ADAMTS17: variants seen among roughly 807,000 people sequenced by gnomAD.
ADAMTS17 encodes A disintegrin and metalloproteinase with thrombospondin motifs 17.
A neutral mutation model predicts 141.5 loss-of-function variants in ADAMTS17; 113 were observed. That is an observed-to-expected ratio of 0.80 (90% CI 0.69 to 0.93). The LOEUF is 0.93. ADAMTS17 is among the 40% of genes least tolerant of loss of function. The pLI is 0.00. For synonymous variants in ADAMTS17, 768 were observed against 630.6 expected, an observed-to-expected ratio of 1.22 and a Z score of -3.27; for missense variants, 1,659 against 1,517.9, an observed-to-expected ratio of 1.09 and a Z score of -1.54.
At chr15:100,146,274 C>T (rs569610836) in intron 10 of ADAMTS17, among the ~76,000 whole-genome samples, 32 of 152,332 alleles carry the variant, frequency 2.1e-4, no homozygotes, top group South Asian at 1.7e-3. Context: ...ATGGAGGGAC[C>T]GGCTGAAGCC....
rs1022822032 is a variant in ADAMTS17 at position 99,972,104 on chromosome 15, A to AGGTGGGCGTGGT, written c.*2286_*2297dup. 1 of 152,338 alleles carries AGGTGGGCGTGGT rather than the reference A, an allele frequency of 6.6e-6. No homozygotes were observed. Among genetic ancestry groups the AGGTGGGCGTGGT allele is most frequent in the Admixed American group, 6.5e-5 (1 of 15,276 alleles). 9.4% of individuals were successfully genotyped at this position (152,338 alleles called of 1,614,324 possible). On this transcript the variant is annotated 3_prime_UTR_variant, in exon 22 of 22. Transcript: ENST00000268070. ...GTCTCTAGTAAAAATACAAAAAAGT[A>AGGTGGGCGTGGT]GGTGGGCGTGGTGGTGGGCGCCTGT... is the stretch of plus-strand genomic sequence containing the variant.
At chr15:100,137,899 C>T (rs1047931441) in intron 10 of ADAMTS17, among the ~76,000 whole-genome samples, 1 of 152,200 alleles carries the variant, frequency 6.6e-6, no homozygotes, top group Non-Finnish European at 1.5e-5. Flanking sequence ...CAACACCCAC[C>T]CTTTCACTGC....
At chr15:100,125,849 G>T (rs982922059) in intron 12 of ADAMTS17, among the ~76,000 whole-genome samples, 5 of 152,100 alleles carry the variant, frequency 3.3e-5, no homozygotes, top group African/African-American at 1.2e-4. Flanking sequence ...ATTGTGTGTG[G>T]GGGGACTCTC....
rs912155373 is a variant in ADAMTS17 at position 100,235,367 on chromosome 15, C to T, written c.1075+18769G>A. On this transcript the variant is annotated intron_variant, in intron 7 of 21. Coordinates refer to ENST00000268070, the MANE Select transcript of ADAMTS17 (RefSeq NM_139057.4). The stretch of plus-strand genomic sequence containing the variant: ...TTTCCTGAGCATGCAAAGATCCTCC[C>T]CACACTGACCTCCCCGACCACCCCA... Among the ~76,000 whole-genome samples the T allele has an allele frequency of 7.2e-5, 11 of 152,154 alleles. No homozygotes were observed. The South Asian group carries it at 2.3e-3, about 32-fold the overall frequency.
intron 3 of ADAMTS17, among the ~76,000 whole-genome samples, chr15:100,289,435 A>G (rs2044554104): frequency 6.6e-6 from 1 of 152,142 alleles, no homozygotes; most frequent in African/African-American, 2.4e-5. Flanking sequence ...CATTCCTACT[A>G]AAAGCATTAT....
chr15:100,336,593 A>G (rs1210044155), intron 2 of ADAMTS17, among the ~76,000 whole-genome samples: 1 of 152,202 alleles, frequency 6.6e-6, no homozygotes, highest in Non-Finnish European at 1.5e-5. Context: ...ACTTAGGACT[A>G]CGTACCTTCC....
intron 7 of ADAMTS17, among the ~76,000 whole-genome samples, chr15:100,247,549 G>C (rs949227849): frequency 6.6e-6 from 1 of 152,182 alleles, no homozygotes; most frequent in Non-Finnish European, 1.5e-5. Context: ...GATAAGTGAA[G>C]AGTCACAGGG....
chr15:100,093,124 T>C (rs770644900), intron 15 of ADAMTS17, among the ~76,000 whole-genome samples: 4 of 152,028 alleles, frequency 2.6e-5, no homozygotes, highest in Non-Finnish European at 4.4e-5. Flanking sequence ...TGTTCAAAGT[T>C]TGGAAGCAAC....
chr15:100,092,182 A>G, intron 15 of ADAMTS17, among the ~76,000 whole-genome samples: 1 of 152,248 alleles, frequency 6.6e-6, no homozygotes, highest in Non-Finnish European at 1.5e-5. Flanking sequence ...CCAGCAGGCT[A>G]GGGTACGTTT....
At chr15:100,207,507 C>G (rs2041621164) in intron 7 of ADAMTS17, among the ~76,000 whole-genome samples, 1 of 152,174 alleles carries the variant, frequency 6.6e-6, no homozygotes, top group Non-Finnish European at 1.5e-5. Flanking sequence ...TGCTCATTTG[C>G]CACACAGCAC....
At chr15:100,070,572 C>A (rs1596343324) in intron 15 of ADAMTS17, among the ~76,000 whole-genome samples, 1 of 150,020 alleles carries the variant, frequency 6.7e-6, no homozygotes, top group South Asian at 2.1e-4. Flanking sequence ...CAAACTAGAA[C>A]TCAGGATTAA....
intron 7 of ADAMTS17, among the ~76,000 whole-genome samples, chr15:100,202,795 G>A (rs767513526): frequency 3.9e-5 from 6 of 152,170 alleles, no homozygotes; most frequent in Non-Finnish European, 5.9e-5. Flanking sequence ...AGTTTTCTCT[G>A]TATTGATTTA....
At chr15:100,108,608 C>G (rs73476494) in intron 14 of ADAMTS17, among the ~76,000 whole-genome samples, 29,348 of 152,210 alleles carry the variant, frequency 0.19, 3,037 homozygotes, top group Admixed American at 0.23. Context: ...CCTGGCGTGA[C>G]CTGCACAGGC....
Position 99,989,485 on chromosome 15 carries a change from G to A in ADAMTS17, c.2949+3563C>T, listed in dbSNP as rs142082376. On this transcript the variant is annotated intron_variant, in intron 20 of 21. Coordinates refer to ENST00000268070, the MANE Select transcript of ADAMTS17 (RefSeq NM_139057.4). Reference sequence around the variant, plus strand: ...TCTGAACACTCAGTGTCCAAACAATGCTACCCTGCCTGTTACTGTGCTGGG... The same window carrying A: ...TCTGAACACTCAGTGTCCAAACAATACTACCCTGCCTGTTACTGTGCTGGG... Among the ~76,000 whole-genome samples, 1,107 of 152,300 alleles carry A rather than the reference G, an allele frequency of 7.3e-3. 7 individuals are homozygous for A. Among genetic ancestry groups the A allele is most frequent in the Non-Finnish European group, 0.012 (791 of 68,024 alleles).
chr15:99,990,447 G>T (rs370552136), intron 20 of ADAMTS17, among the ~76,000 whole-genome samples: 1 of 151,712 alleles, frequency 6.6e-6, no homozygotes, highest in South Asian at 2.1e-4. Context: ...ACTGTGTGAC[G>T]TCCCTGTTTG....
chr15:100,173,311 C>T (rs2040225578), intron 8 of ADAMTS17, among the ~76,000 whole-genome samples: 2 of 152,114 alleles, frequency 1.3e-5, no homozygotes, highest in Admixed American at 6.6e-5. Context: ...CATCTATGTG[C>T]TTAGAAGCTC....
intron 10 of ADAMTS17, among the ~76,000 whole-genome samples, 190 bp downstream of exon 10, chr15:100,152,422 G>A (rs1429056917): frequency 6.6e-6 from 1 of 152,176 alleles, no homozygotes; most frequent in African/African-American, 2.4e-5. Flanking sequence ...ATGTGCAAAT[G>A]CCTGTGAGAG....
intron 6 of ADAMTS17, among the ~76,000 whole-genome samples, chr15:100,258,906 A>G (rs1482479335): frequency 6.6e-6 from 1 of 152,214 alleles, no homozygotes; most frequent in Non-Finnish European, 1.5e-5. Flanking sequence ...AAGGGCTAAT[A>G]CAGACGTCCT....
intron 7 of ADAMTS17, among the ~76,000 whole-genome samples, chr15:100,203,889 C>T (rs866624639): frequency 6.6e-6 from 1 of 150,692 alleles, no homozygotes; most frequent in Admixed American, 6.6e-5. Context: ...CAGACCAAGA[C>T]TCTGTCTCAA....
Sources: gnomAD v4.1 joint callset for allele counts (sites outside exome capture counted in the v4.1 genomes callset) on GRCh38, gnomAD v4.1.1 for gene constraint, MANE v1.5 for transcripts, NCBI Gene and HGNC (gene_info 2026-07-23, HGNC 2026-07-21) for gene names.